Variants in PARD3B observed in about 807,000 individuals in gnomAD.
The protein encoded by PARD3B is partitioning defective 3 homolog B.
In PARD3B, 103 loss-of-function variants were observed where a neutral mutation model predicts 130.2. The ratio of observed to expected loss-of-function variants is 0.79; its 90% CI spans 0.67 to 0.93. PARD3B has a LOEUF of 0.93. Among genes scored for constraint, PARD3B ranks in the 40% least tolerant of loss-of-function variants. PARD3B has a pLI of 0.00. For missense variants in PARD3B, 1,609 were observed against 1,499.2 expected (o/e 1.07, Z -1.21); for synonymous variants, 583 against 553.2 (o/e 1.05, Z -0.76).
intron 2 of PARD3B, among the ~76,000 whole-genome samples, chr2:204,814,447 A>G (rs77602246): frequency 6.6e-6 from 1 of 151,830 alleles, no homozygotes; most frequent in Non-Finnish European, 1.5e-5. Flanking sequence ...TAAAATGTAT[A>G]TATCATGTAT....
At chr2:205,294,114 T>G (rs1386844947) in intron 16 of PARD3B, among the ~76,000 whole-genome samples, 2 of 152,268 alleles carry the variant, frequency 1.3e-5, no homozygotes, top group South Asian at 4.1e-4. Flanking sequence ...TTTTATTTGT[T>G]TTTTGTTTGT....
rs1186653487 is a variant in PARD3B, at chr2:205,125,204, G to T, written c.1306-405G>T. On this transcript the variant is annotated intron_variant, in intron 9 of 22. Transcript: ENST00000406610. This position sits in a 1 kb window ranked among gnomAD's most constrained non-coding sequence, Gnocchi z 4.0. Reference sequence around the variant, plus strand: ...TTTCTAAATATGTTTAAAACCTGCAGGATTCTATTGCTAGGTTCGTATTTG... The same window carrying T: ...TTTCTAAATATGTTTAAAACCTGCATGATTCTATTGCTAGGTTCGTATTTG... Among the ~76,000 whole-genome samples the T allele has an allele frequency of 6.6e-6, 1 of 152,182 alleles. No homozygotes were observed. Among genetic ancestry groups the T allele is most frequent in the Non-Finnish European group, 1.5e-5 (1 of 68,020 alleles).
At chr2:205,275,908 T>C (rs1413259735) in intron 16 of PARD3B, among the ~76,000 whole-genome samples, 1 of 149,410 alleles carries the variant, frequency 6.7e-6, no homozygotes, top group African/African-American at 2.5e-5. Flanking sequence ...TTAGCAGGGA[T>C]CTTTTCATAT....
chr2:204,648,390 C>T (rs2035345513), intron 1 of PARD3B, among the ~76,000 whole-genome samples: 1 of 150,360 alleles, frequency 6.7e-6, no homozygotes, highest in Non-Finnish European at 1.5e-5. Context: ...GGATATATCA[C>T]ATTTCAGTTG....
intron 1 of PARD3B, among the ~76,000 whole-genome samples, chr2:204,595,648 C>T (rs576010270): frequency 3.5e-4 from 53 of 152,338 alleles, no homozygotes; most frequent in African/African-American, 6.3e-4. Flanking sequence ...TAAAAACAGT[C>T]ACTTTGTGAG....
At chr2:205,074,015 G>T (rs947147636) in intron 4 of PARD3B, among the ~76,000 whole-genome samples, 4 of 152,120 alleles carry the variant, frequency 2.6e-5, no homozygotes, top group Admixed American at 2.6e-4. Flanking sequence ...TAGACAAATG[G>T]TAAGGCTGTT....
Position 205,253,438 on chromosome 2 carries a change from A to G in PARD3B, c.2185+7616A>G. The G allele has an allele frequency of 1.8e-6, 1 of 564,144 alleles. No homozygotes were observed. The highest frequency in any genetic ancestry group is 3.6e-6 in the Non-Finnish European group (1 of 279,194). The allele number at this position is 564,144 out of a possible 1,614,324, so 34.9% of individuals were successfully genotyped here. A position where few individuals can be genotyped will look rare whatever the true frequency, so the allele number is the denominator to read the frequency against. On this transcript the variant is annotated intron_variant, in intron 16 of 22. Transcript: ENST00000406610. This position sits in a 1 kb window ranked among gnomAD's most constrained non-coding sequence, Gnocchi z 4.4. Reference sequence around the variant, plus strand: ...GCCTTGGCTGGGCTGGTGGATGGGAAGCCAGTATGGATCACCTTGTGGATG... The same window carrying G: ...GCCTTGGCTGGGCTGGTGGATGGGAGGCCAGTATGGATCACCTTGTGGATG...
At chr2:205,468,490 CT>C (rs1316821869) in intron 20 of PARD3B, among the ~76,000 whole-genome samples, 1 of 152,190 alleles carries the variant, frequency 6.6e-6, no homozygotes, top group Non-Finnish European at 1.5e-5. Flanking sequence ...TCACCACAAG[CT>C]TTTCTTCATG....
chr2:204,683,565 C>A (rs543557654), intron 1 of PARD3B, among the ~76,000 whole-genome samples: 1 of 152,126 alleles, frequency 6.6e-6, no homozygotes, highest in East Asian at 1.9e-4. Flanking sequence ...AGCACCATGG[C>A]CAAAATACCA....
rs1247300320 is a variant in PARD3B, at chr2:205,460,994, G to C, written c.3044+20322G>C. Among the ~76,000 whole-genome samples, 1 of 152,148 alleles carries C rather than the reference G, an allele frequency of 6.6e-6. No homozygotes were observed. Among genetic ancestry groups the C allele is most frequent in the Non-Finnish European group, 1.5e-5 (1 of 68,020 alleles). ...AAACAAGGTTCTTTAACAGTCATTT[G>C]ATTTCCATAACATTCATTAAATTAA... On this transcript the variant is annotated intron_variant, in intron 20 of 22. Coordinates refer to ENST00000406610, the MANE Select transcript of PARD3B (RefSeq NM_001302769.2). The surrounding 1 kb of genome is among the most constrained non-coding windows in gnomAD (Gnocchi z 4.9).
chr2:205,162,312 C>A (rs1576016431), intron 11 of PARD3B, among the ~76,000 whole-genome samples: 1 of 152,224 alleles, frequency 6.6e-6, no homozygotes, highest in African/African-American at 2.4e-5. Context: ...GTGCATGCAT[C>A]AGGCTGCACC....
intron 22 of PARD3B, among the ~76,000 whole-genome samples, chr2:205,577,376 A>G (rs980037427): frequency 6.6e-6 from 1 of 152,186 alleles, no homozygotes; most frequent in Non-Finnish European, 1.5e-5. Flanking sequence ...AAATGAAAAC[A>G]ATGTCCATCA....
At position 204,571,509 on chromosome 2, in the gene PARD3B, T is replaced by C. The variant is rs75035169; in HGVS notation, c.120+25390T>C. Among the ~76,000 whole-genome samples, 1,364 of 152,352 alleles carry C rather than the reference T, an allele frequency of 9.0e-3. 19 individuals carry two copies. The highest frequency in any genetic ancestry group is 0.032 in the African/African-American group (1,324 of 41,570). On this transcript the variant is annotated intron_variant, in intron 1 of 22. Transcript: ENST00000406610. ...TGTGTATGTCCATGCAAACAATTTC[T>C]GAGCTCTAAGTTTCTCATAATAATT...
chr2:204,976,866 T>A (rs1692217856), intron 3 of PARD3B, among the ~76,000 whole-genome samples: 1 of 152,054 alleles, frequency 6.6e-6, no homozygotes, highest in African/African-American at 2.4e-5. Context: ...CACCTCTGCC[T>A]CCCAAAGTGC....
rs1284857643 is a variant in PARD3B, at chr2:205,176,308, G to A, written c.1792-137G>A. ...GTTTTCACTGATAGGGCCATTTTGA[G>A]TTTCCACAGTTGAGGACTTAAGTGT... On this transcript the variant is annotated intron_variant, in intron 12 of 22. Coordinates refer to ENST00000406610, the MANE Select transcript of PARD3B (RefSeq NM_001302769.2). The surrounding 1 kb of genome is among the most constrained non-coding windows in gnomAD (Gnocchi z 5.3). 1 of 788,978 alleles carries A rather than the reference G, an allele frequency of 1.3e-6. No homozygotes were observed. Among genetic ancestry groups the A allele is most frequent in the Non-Finnish European group, 1.9e-6 (1 of 532,794 alleles). 48.9% of individuals were successfully genotyped at this position (788,978 alleles called of 1,614,324 possible).
chr2:204,908,790 C>G (rs73053145), intron 2 of PARD3B, among the ~76,000 whole-genome samples: 4,551 of 152,152 alleles, frequency 0.03, 211 homozygotes, highest in African/African-American at 0.1. Flanking sequence ...AAAGATTAAC[C>G]AGAATAACGT....
At chr2:204,970,654 A>G (rs1691624710) in intron 3 of PARD3B, among the ~76,000 whole-genome samples, 1 of 152,156 alleles carries the variant, frequency 6.6e-6, no homozygotes, top group African/African-American at 2.4e-5. Context: ...CTTGATTGAA[A>G]TTTGCTAATT....
At chr2:204,722,438 A>ACTT (rs1473575502) in intron 2 of PARD3B, among the ~76,000 whole-genome samples, 2 of 152,186 alleles carry the variant, frequency 1.3e-5, no homozygotes, top group African/African-American at 2.4e-5. Flanking sequence ...AGATTGGCTA[A>ACTT]CTTCTACAGT....
At chr2:205,367,214 C>A (rs1334676745) in intron 18 of PARD3B, among the ~76,000 whole-genome samples, 1 of 152,142 alleles carries the variant, frequency 6.6e-6, no homozygotes, top group African/African-American at 2.4e-5. Context: ...GACATACAAT[C>A]TCCAAAATTG....
Sources: gnomAD v4.1 joint callset for allele counts (sites outside exome capture counted in the v4.1 genomes callset) on GRCh38, gnomAD v4.1.1 for gene constraint, Gnocchi (gnomAD v3.1) non-coding constraint, MANE v1.5 for transcripts, NCBI Gene and HGNC (gene_info 2026-07-23, HGNC 2026-07-21) for gene names.